HPSE2: variants seen among roughly 807,000 people sequenced by gnomAD.
HPSE2 encodes the protein inactive heparanase-2.
Under a neutral mutation model 60.5 loss-of-function variants are expected in HPSE2, and 38 were observed. The ratio of observed to expected loss-of-function variants is 0.63; its 90% CI spans 0.48 to 0.82. HPSE2 has a LOEUF of 0.82. Ranked by LOEUF, HPSE2 falls within the 40% of genes least tolerant of loss-of-function variation. HPSE2 has a pLI of 0.00. For synonymous variants in HPSE2, 295 were observed against 293.2 expected (o/e 1.01, Z -0.06); for missense variants, 713 against 740.4 (o/e 0.96, Z 0.43).
At chr10:98,801,167 A>T (rs569040225) in intron 3 of HPSE2, among the ~76,000 whole-genome samples, 55 of 152,308 alleles carry the variant, frequency 3.6e-4, no homozygotes, top group African/African-American at 1.3e-3. Flanking sequence ...ACATCCCTTC[A>T]TGATAAAACT....
chr10:98,524,307 G>A (rs565119469), intron 9 of HPSE2, among the ~76,000 whole-genome samples: 23 of 152,258 alleles, frequency 1.5e-4, no homozygotes, highest in Admixed American at 3.9e-4. Context: ...GCAATGCCCC[G>A]TGAGCACACA....
At chr10:98,983,945 A>G (rs1956271636) in intron 3 of HPSE2, among the ~76,000 whole-genome samples, 1 of 152,126 alleles carries the variant, frequency 6.6e-6, no homozygotes. Flanking sequence ...AGGCTCGGGG[A>G]GGGGCGACCC....
intron 3 of HPSE2, among the ~76,000 whole-genome samples, chr10:98,876,898 T>A (rs1397526427): frequency 6.6e-6 from 1 of 151,912 alleles, no homozygotes; most frequent in African/African-American, 2.4e-5. Flanking sequence ...ATAAAACCAA[T>A]AGATGACTAT....
chr10:98,841,013 C>T (rs1312692921), intron 3 of HPSE2, among the ~76,000 whole-genome samples: 10 of 152,082 alleles, frequency 6.6e-5, no homozygotes, highest in Non-Finnish European at 1.5e-4. Flanking sequence ...TGGTGGCTCA[C>T]ATGGGAGGCC....
intron 3 of HPSE2, among the ~76,000 whole-genome samples, chr10:98,905,897 C>T (rs1953801813): frequency 6.6e-6 from 1 of 152,174 alleles, no homozygotes; most frequent in Non-Finnish European, 1.5e-5. Context: ...ACAAAACAAG[C>T]TGTAGTGGAT....
the HPSE2 span, among the ~76,000 whole-genome samples, chr10:99,300,305 G>T: frequency 6.6e-6 from 1 of 152,106 alleles, no homozygotes; most frequent in African/African-American, 2.4e-5. Flanking sequence ...TGAGGCCCAA[G>T]GTCCTCTACG....
At chr10:99,309,501 T>A in the HPSE2 span, among the ~76,000 whole-genome samples, 3 of 152,290 alleles carry the variant, frequency 2.0e-5, no homozygotes, top group Admixed American at 1.3e-4. Context: ...ACCAACCAGA[T>A]GGCTAAAATG....
intron 3 of HPSE2, among the ~76,000 whole-genome samples, chr10:99,074,546 G>C (rs912262446): frequency 6.6e-6 from 1 of 152,048 alleles, no homozygotes; most frequent in Admixed American, 6.6e-5. Flanking sequence ...TATAGCTCTG[G>C]TATCAGGGTA....
chr10:98,522,846 A>C (rs1942843030), intron 9 of HPSE2, among the ~76,000 whole-genome samples: 1 of 152,230 alleles, frequency 6.6e-6, no homozygotes, highest in East Asian at 1.9e-4. Flanking sequence ...CCTGCATCTT[A>C]TCCTGAGTCT....
chr10:99,089,836 A>G (rs968086573), intron 3 of HPSE2, among the ~76,000 whole-genome samples: 1 of 152,052 alleles, frequency 6.6e-6, no homozygotes, highest in Non-Finnish European at 1.5e-5. Flanking sequence ...TGTTTGTGTT[A>G]TCTCTGATTT....
chr10:98,726,630 T>TATAATA (rs35016961), intron 4 of HPSE2, among the ~76,000 whole-genome samples: 12,806 of 143,470 alleles, frequency 0.089, 651 homozygotes, highest in South Asian at 0.19. Context: ...AAACTTAAAG[T>TATAATA]ATAATAATAA....
intron 3 of HPSE2, among the ~76,000 whole-genome samples, chr10:98,925,480 G>C (rs1564660570): frequency 6.6e-6 from 1 of 152,010 alleles, no homozygotes; most frequent in Non-Finnish European, 1.5e-5. Flanking sequence ...CCAAAGGGAG[G>C]CTCCTCATTA....
intron 2 of HPSE2, among the ~76,000 whole-genome samples, chr10:99,150,469 C>G (rs1197957502): frequency 6.6e-6 from 1 of 152,172 alleles, no homozygotes; most frequent in Non-Finnish European, 1.5e-5. Context: ...CAGGGACACA[C>G]CACCATACCT....
intron 9 of HPSE2, among the ~76,000 whole-genome samples, chr10:98,528,771 G>C (rs1217584349): frequency 6.6e-6 from 1 of 152,218 alleles, no homozygotes; most frequent in African/African-American, 2.4e-5. Flanking sequence ...GGGGAGCCAA[G>C]TGATTGGGAA....
At chr10:98,971,450 A>G (rs1473381384) in intron 3 of HPSE2, among the ~76,000 whole-genome samples, 2 of 152,138 alleles carry the variant, frequency 1.3e-5, no homozygotes. Flanking sequence ...ATCCCCATTC[A>G]TAAGCCAGAC....
chr10:98,735,839 C>T (rs182128490), intron 4 of HPSE2, among the ~76,000 whole-genome samples: 5 of 152,302 alleles, frequency 3.3e-5, no homozygotes, highest in Middle Eastern at 3.4e-3. Context: ...AAGTAACTAA[C>T]TTGCTTTTGA....
intron 3 of HPSE2, among the ~76,000 whole-genome samples, chr10:98,986,987 C>T (rs7912851): frequency 0.76 from 115,560 of 151,948 alleles, 44,306 homozygotes; most frequent in East Asian, 0.86. Flanking sequence ...GCTCCGAAAT[C>T]GAGGCAATAA....
chr10:98,782,663 T>C (rs1245296744), intron 3 of HPSE2, among the ~76,000 whole-genome samples: 2 of 86,818 alleles, frequency 2.3e-5, no homozygotes, highest in South Asian at 4.2e-4. Flanking sequence ...CAATGTAATG[T>C]TGATGAGAGG....
At chr10:98,653,488 CCTCT>C (rs1384216202) in intron 6 of HPSE2, among the ~76,000 whole-genome samples, 1 of 148,932 alleles carries the variant, frequency 6.7e-6, no homozygotes, top group Non-Finnish European at 1.5e-5. Flanking sequence ...CATTTTATCT[CCTCT>C]CTTAGTATAC....
Sources: allele counts gnomAD v4.1 joint callset (sites outside exome capture counted in the v4.1 genomes callset), GRCh38; gene constraint gnomAD v4.1.1; transcripts MANE v1.5; gene names NCBI Gene and HGNC (gene_info 2026-07-23, HGNC 2026-07-21).